Variants in PIK3CD observed in about 807,000 individuals in gnomAD.
PIK3CD encodes the protein phosphatidylinositol-4,5-bisphosphate 3-kinase catalytic subunit delta.
PIK3CD carries 20 observed loss-of-function variants against 122.9 expected under a neutral mutation model. That is an observed-to-expected ratio of 0.16 (90% confidence interval 0.11 to 0.24). The LOEUF is 0.24. PIK3CD is among the 10% of genes least tolerant of loss of function. The probability of loss-of-function intolerance (pLI) is 1.00; values close to 1 mark genes in which losing one functional copy is unlikely to be tolerated. For synonymous variants in PIK3CD, 596 were observed against 593.4 expected (o/e 1.00, Z -0.06); for missense variants, 787 against 1,406.3 (o/e 0.56, Z 7.04).
In PIK3CD at chr1:9,719,980, C is replaced by T. The variant is rs773753391; in HGVS notation, c.1302C>T (p.Thr434=). Residue 434 remains threonine (T), a synonymous_variant, in exon 10 of 24, where the codon ACC becomes ACT. Transcript: ENST00000377346. The surrounding 1 kb of genome is among the most constrained non-coding windows in gnomAD (Gnocchi z 5.5). Reference sequence around the variant, plus strand: ...TTGACTACAAGGACCAGCTTAAGACCGGGGAACGCTGCCTCTACATGTGGC... The same window carrying T: ...TTGACTACAAGGACCAGCTTAAGACTGGGGAACGCTGCCTCTACATGTGGC... ...MLFDYKDQLK[T]GERCLYMWPS... 16 of 1,613,592 alleles carry T rather than the reference C, an allele frequency of 9.9e-6. No homozygotes were observed. The highest frequency in any genetic ancestry group is 3.3e-5 in the Admixed American group (2 of 60,006).
intron 5 of PIK3CD, 40 bp from the exon 6 acceptor site, chr1:9,716,400 G>A (rs1363510240): frequency 2.5e-6 from 4 of 1,602,852 alleles, no homozygotes; most frequent in South Asian, 1.1e-5. Flanking sequence ...AACCCCGGGG[G>A]GCCTCGAGGG....
Position 9,703,023 on chromosome 1 carries a change from G to A in PIK3CD, c.-32-7401G>A, listed in dbSNP as rs369598893. Among the ~76,000 whole-genome samples, 66 of 152,270 alleles carry A rather than the reference G, an allele frequency of 4.3e-4. 1 individual carries two copies. The highest frequency in any genetic ancestry group is 1.9e-3 in the East Asian group (10 of 5,192). Reference sequence around the variant, plus strand: ...GGCTGGATCCAGGGAATCAAAGTTCGTCCTCAGGACCCAGGCTTGTACTGT... The same window carrying A: ...GGCTGGATCCAGGGAATCAAAGTTCATCCTCAGGACCCAGGCTTGTACTGT... On this transcript the variant is annotated intron_variant, in intron 2 of 23. Transcript: ENST00000377346.
chr1:9,661,216 T>G (rs1261675877), intron 1 of PIK3CD, among the ~76,000 whole-genome samples: 1 of 151,956 alleles, frequency 6.6e-6, no homozygotes, highest in African/African-American at 2.4e-5. Context: ...ATTACAGACC[T>G]GAGCCACCGT....
At chr1:9,646,887 G>A (rs974602181), upstream of PIK3CD, among the ~76,000 whole-genome samples, 4 of 151,600 alleles carry the variant, frequency 2.6e-5, no homozygotes, top group East Asian at 3.9e-4. Context: ...CCAGGGAGGC[G>A]GAGGTTGCAG....
chr1:9,672,114 A>T (rs534173847), intron 1 of PIK3CD, among the ~76,000 whole-genome samples: 1 of 152,292 alleles, frequency 6.6e-6, no homozygotes, highest in South Asian at 2.1e-4. Context: ...TCCAGCCTGA[A>T]GAGATGGGAT....
intron 1 of PIK3CD, among the ~76,000 whole-genome samples, chr1:9,685,395 G>A (rs902415571): frequency 1.1e-4 from 17 of 152,164 alleles, no homozygotes; most frequent in Non-Finnish European, 2.1e-4. Flanking sequence ...GTCTCGCTCT[G>A]TTGCCCAGGC....
At chr1:9,662,647 G>A (rs867220854) in intron 1 of PIK3CD, 9 of 152,150 alleles carry the variant, frequency 5.9e-5, no homozygotes, top group Non-Finnish European at 1.3e-4. Flanking sequence ...CTCCGGCTTC[G>A]GTGATGGCCA....
the PIK3CD span, among the ~76,000 whole-genome samples, chr1:9,628,283 CAG>C: frequency 1.3e-5 from 2 of 152,080 alleles, no homozygotes; most frequent in African/African-American, 4.8e-5. Flanking sequence ...GCCTGGGTGA[CAG>C]AGTGAGACTC....
rs200511192 is a variant in PIK3CD, at chr1:9,697,558, T to TAA, written c.-33+6000_-33+6001dup. On this transcript the variant is annotated intron_variant, in intron 2 of 23. Coordinates refer to ENST00000377346, the MANE Select transcript of PIK3CD (RefSeq NM_005026.5). ...AACAAAATTGTATTTCATTATTATTTAAAAAAAAAAAAAAGTTTTTTTTTA... is the reference window on the plus strand; with the variant it reads ...AACAAAATTGTATTTCATTATTATTTAAAAAAAAAAAAAAAAGTTTTTTTTTA... Among the ~76,000 whole-genome samples, 17 of 139,632 alleles carry TAA rather than the reference T, an allele frequency of 1.2e-4. No individual in the cohort carries two copies. In the South Asian group the frequency reaches 3.9e-3, roughly 32 times the overall value. 91.6% of individuals were successfully genotyped at this position (139,632 alleles called of 152,430 possible).
In PIK3CD at chr1:9,652,469, G is replaced by C. The variant is rs1464464665; in HGVS notation, c.-138+667G>C. The stretch of plus-strand genomic sequence containing the variant: ...CTCCCAGTCCCGGGCCTCCCGCGTT[G>C]CTCGCCGCGTTTGCTGCAGCGGCGC... On this transcript the variant is annotated intron_variant, in intron 1 of 23. Transcript: ENST00000377346. The surrounding 1 kb of genome is among the most constrained non-coding windows in gnomAD (Gnocchi z 6.2). 6.6e-6 allele frequency: 1 copy of C among 152,254 alleles called. No individual in the cohort carries two copies. The highest frequency in any genetic ancestry group is 2.4e-5 in the African/African-American group (1 of 41,474). The allele number at this position is 152,254 out of a possible 1,614,324, so 9.4% of individuals were successfully genotyped here. A position where few individuals can be genotyped will look rare whatever the true frequency, so the allele number is the denominator to read the frequency against.
In PIK3CD at chr1:9,720,924, G is replaced by A. The variant is rs565644147; in HGVS notation, c.1689+15G>A. 37 of 1,567,834 alleles carry A rather than the reference G, an allele frequency of 2.4e-5. No individual in the cohort carries two copies. The highest frequency in any genetic ancestry group is 2.1e-4 in the East Asian group (9 of 42,352). On this transcript the variant is annotated intron_variant, in intron 13 of 23. Transcript: ENST00000377346. This position sits in a 1 kb window ranked among gnomAD's most constrained non-coding sequence, Gnocchi z 9.0. ...ATGTGGCCCAGGTGGGTGGGGAGGC[G>A]CACCTGGGGGCGGAGCTGGGGGCAG...
chr1:9,639,971 A>C, the PIK3CD span, among the ~76,000 whole-genome samples: 1 of 151,742 alleles, frequency 6.6e-6, no homozygotes, highest in East Asian at 1.9e-4. Context: ...TGAACTCCTC[A>C]GTGTAGACAA....
intron 1 of PIK3CD, among the ~76,000 whole-genome samples, chr1:9,671,693 G>A (rs1033325074): frequency 6.6e-6 from 1 of 151,962 alleles, no homozygotes; most frequent in African/African-American, 2.4e-5. Context: ...AGATCCTCCC[G>A]CCTCGGCCCC....
chr1:9,689,144 C>A lies in PIK3CD; in HGVS notation c.-137-2323C>A, dbSNP rs1056249055. ...TGCGGATGCCTTGCAAAGCGGGGAG[C>A]GGAAAGCAGTTTGGTGGACGACCAG... is the stretch of plus-strand genomic sequence containing the variant. On this transcript the variant is annotated intron_variant, in intron 1 of 23. Coordinates refer to ENST00000377346, the MANE Select transcript of PIK3CD (RefSeq NM_005026.5). This position sits in a 1 kb window ranked among gnomAD's most constrained non-coding sequence, Gnocchi z 6.1. Among the ~76,000 whole-genome samples, 5 of 152,166 alleles carry A rather than the reference C, an allele frequency of 3.3e-5. No individual in the cohort carries two copies. Among genetic ancestry groups the A allele is most frequent in the Admixed American group, 6.5e-5 (1 of 15,282 alleles).
Position 9,715,705 on chromosome 1 carries a change from G to T in PIK3CD, c.306G>T (p.Val102=). Reference sequence around the variant, plus strand: ...CCTTCCTGCCCGTCCTGCGCCTGGTGGCCCGTGAGGGCGACCGCGTGAAGA... The same window carrying T: ...CCTTCCTGCCCGTCCTGCGCCTGGTTGCCCGTGAGGGCGACCGCGTGAAGA... ...VQPFLPVLRL[V]AREGDRVKKL... is the part of the protein sequence containing the mutation. Residue 102 remains valine, a synonymous_variant, in exon 4 of 24, where the codon GTG becomes GTT. Coordinates refer to ENST00000377346, the MANE Select transcript of PIK3CD (RefSeq NM_005026.5). This position sits in a 1 kb window ranked among gnomAD's most constrained non-coding sequence, Gnocchi z 4.1. The T allele has an allele frequency of 6.2e-7, 1 of 1,613,586 alleles. No homozygotes were observed. Among genetic ancestry groups the T allele is most frequent in the Non-Finnish European group, 8.5e-7 (1 of 1,180,020 alleles).
In PIK3CD at chr1:9,717,633, C is replaced by A. The variant is rs1325125961; in HGVS notation, c.1020+7C>A. Reference sequence around the variant, plus strand: ...CGCCGACGAGCGGATGAAGGTGGGGCTCCTGGGATAGGTGGGAGAGACACT... The same window carrying A: ...CGCCGACGAGCGGATGAAGGTGGGGATCCTGGGATAGGTGGGAGAGACACT... On this transcript the variant is annotated splice_region_variant and intron_variant, in intron 8 of 23. Transcript: ENST00000377346. The surrounding 1 kb of genome is among the most constrained non-coding windows in gnomAD (Gnocchi z 5.4). 4 of 1,613,426 alleles carry A rather than the reference C, an allele frequency of 2.5e-6. No individual in the cohort carries two copies. Among genetic ancestry groups the A allele is most frequent in the Non-Finnish European group, 2.5e-6 (3 of 1,179,438 alleles).
intron 1 of PIK3CD, among the ~76,000 whole-genome samples, chr1:9,666,800 G>C (rs943973216): frequency 4.6e-5 from 7 of 151,400 alleles, no homozygotes; most frequent in Admixed American, 1.3e-4. Flanking sequence ...TGCCTCCCGG[G>C]TTCAGGCAAT....
the PIK3CD span, among the ~76,000 whole-genome samples, chr1:9,641,889 T>C: frequency 6.6e-6 from 1 of 152,102 alleles, no homozygotes; most frequent in Non-Finnish European, 1.5e-5. Flanking sequence ...TCTCTAACCA[T>C]CTGCTCCACC....
chr1:9,683,469 AAC>A (rs1491074542), intron 1 of PIK3CD, among the ~76,000 whole-genome samples: 5 of 108,454 alleles, frequency 4.6e-5, no homozygotes, highest in South Asian at 3.6e-4. Context: ...CAACAACAAC[AAC>A]AAAAAAAACG....
Sources: allele counts gnomAD v4.1 joint callset (sites outside exome capture counted in the v4.1 genomes callset), GRCh38; gene constraint gnomAD v4.1.1; non-coding constraint Gnocchi (gnomAD v3.1); transcripts MANE v1.5; gene names NCBI Gene and HGNC (gene_info 2026-07-23, HGNC 2026-07-21).